Variants in XIRP2 observed in about 807,000 individuals in gnomAD.
XIRP2 encodes xin actin-binding repeat-containing protein 2.
In XIRP2, 236 loss-of-function variants were observed where a neutral mutation model predicts 277.0. The ratio of observed to expected loss-of-function variants is 0.85; its 90% CI spans 0.77 to 0.95. The LOEUF (loss-of-function observed/expected upper bound fraction) is 0.95, where lower values mean the gene tolerates loss of function less well. Ranked by LOEUF, XIRP2 falls within the 40% of genes least tolerant of loss-of-function variation. XIRP2 has a pLI of 0.00. For synonymous variants in XIRP2, 1,490 were observed against 1,416.5 expected, an observed-to-expected ratio of 1.05 and a Z score of -1.17; for missense variants, 4,640 against 4,157.5, an observed-to-expected ratio of 1.12 and a Z score of -3.19.
chr2:167,131,935 A>G (rs565541472), intron 2 of XIRP2, among the ~76,000 whole-genome samples: 1 of 152,174 alleles, frequency 6.6e-6, no homozygotes, highest in South Asian at 2.1e-4. Flanking sequence ...ATAGCTTCAC[A>G]ATCCATTTTG....
intron 3 of XIRP2, among the ~76,000 whole-genome samples, chr2:167,208,329 C>T (rs540346380): frequency 2.4e-4 from 36 of 152,106 alleles, no homozygotes; most frequent in African/African-American, 8.4e-4. Context: ...GAGACGGAGA[C>T]GGAGTCTCGC....
chr2:167,186,380 GC>G (rs1449975942), intron 3 of XIRP2, among the ~76,000 whole-genome samples: 15 of 152,134 alleles, frequency 9.9e-5, no homozygotes, highest in Admixed American at 7.9e-4. Context: ...ATAGTAAACA[GC>G]TTACAAATAG....
chr2:167,058,314 C>T (rs1574213079), intron 2 of XIRP2, among the ~76,000 whole-genome samples: 1 of 152,054 alleles, frequency 6.6e-6, no homozygotes, highest in Admixed American at 6.6e-5. Flanking sequence ...CTTGAACTCC[C>T]GGGTGATCCA....
intron 8 of XIRP2, 134 bp downstream of exon 8, chr2:167,242,044 G>A (rs2105432033): frequency 8.5e-7 from 1 of 1,169,948 alleles, no homozygotes; most frequent in Non-Finnish European, 1.1e-6. Context: ...ATTCAGTTCT[G>A]TAAGGAGAAT....
At position 167,245,349 on chromosome 2, in the gene XIRP2, G is replaced by A. The variant is rs992374036; in HGVS notation, c.3957G>A (p.Gln1319=). 6.2e-7 allele frequency: 1 copy of A among 1,613,558 alleles called. No homozygotes were observed. The highest frequency in any genetic ancestry group is 1.1e-5 in the South Asian group (1 of 91,074). ...VKSYRMLFET[Q]PLYAIQDREG... ...GCTACAGAATGCTCTTTGAAACCCAGCCACTCTATGCAATTCAAGACCGAG... is the reference window on the plus strand; with the variant it reads ...GCTACAGAATGCTCTTTGAAACCCAACCACTCTATGCAATTCAAGACCGAG... The change falls in exon 9 of 11, where the codon CAG becomes CAA. Residue 1319 remains glutamine, a synonymous_variant. Coordinates refer to ENST00000409195, the MANE Select transcript of XIRP2 (RefSeq NM_152381.6).
At chr2:167,099,899 C>T (rs549825279) in intron 2 of XIRP2, among the ~76,000 whole-genome samples, 3 of 152,188 alleles carry the variant, frequency 2.0e-5, no homozygotes, top group East Asian at 1.9e-4. Context: ...CAGAGATCAC[C>T]CGCCTTCTGC....
rs202122368 is a variant in XIRP2, at chr2:166,981,121, TTTAA to T, written c.408+77235_408+77238del. Among the ~76,000 whole-genome samples the T allele has an allele frequency of 3.5e-3, 534 of 152,284 alleles. 8 individuals carry two copies. The highest frequency in any genetic ancestry group is 0.03 in the Admixed American group (461 of 15,292). On this transcript the variant is annotated intron_variant, in intron 2 of 10. Transcript: ENST00000409195. ...AATCTTGTAGTGTAGAACTATTTGC[TTTAA>T]TTAGTGTATTAATTTATTGGGGCTT... is the stretch of plus-strand genomic sequence containing the variant.
chr2:167,134,224 T>A (rs113868904), intron 2 of XIRP2, among the ~76,000 whole-genome samples: 2,306 of 151,238 alleles, frequency 0.015, 69 homozygotes, highest in African/African-American at 0.054. Context: ...TATATTCATG[T>A]GTATATGTAT....
intron 2 of XIRP2, among the ~76,000 whole-genome samples, chr2:166,976,738 A>T (rs1429735892): frequency 1.3e-5 from 2 of 152,072 alleles, no homozygotes; most frequent in East Asian, 1.9e-4. Flanking sequence ...AAACAAAAAA[A>T]CTAGCCATTT....
At chr2:167,038,857 C>A (rs1219747411) in intron 2 of XIRP2, among the ~76,000 whole-genome samples, 2 of 151,892 alleles carry the variant, frequency 1.3e-5, no homozygotes, top group Non-Finnish European at 2.9e-5. Context: ...TGTTTGTAGA[C>A]ACAGAATAAG....
At chr2:166,896,199 C>T (rs376041465) in intron 1 of XIRP2, among the ~76,000 whole-genome samples, 20 of 152,054 alleles carry the variant, frequency 1.3e-4, no homozygotes, top group African/African-American at 4.8e-4. Flanking sequence ...TTTACTATAC[C>T]ATGTTTTTAT....
At chr2:167,137,252 T>C (rs947763307) in intron 3 of XIRP2, among the ~76,000 whole-genome samples, 4 of 152,174 alleles carry the variant, frequency 2.6e-5, no homozygotes, top group African/African-American at 9.7e-5. Flanking sequence ...TCTAAATACA[T>C]GTAAATTGAG....
chr2:167,039,442 T>C (rs1401501971), intron 2 of XIRP2, among the ~76,000 whole-genome samples: 1 of 152,122 alleles, frequency 6.6e-6, no homozygotes, highest in East Asian at 1.9e-4. Context: ...GAAAACAAGA[T>C]CAAGGAAACA....
rs1695400728 is a variant in XIRP2, at chr2:167,249,532, A to C, written c.8140A>C (p.Lys2714Gln). Residue 2714 changes from lysine (K) to glutamine (Q), a missense_variant, in exon 9 of 11, where the codon AAA becomes CAA. Physicochemically the swap from Lys to Gln is moderately conservative, Grantham distance 53. Transcript: ENST00000409195. The part of the protein sequence containing the change: ...ISPNFKVKTI[K>Q]LPTLDHTLNE... ...CCCAAATTTCAAAGTTAAAACCATC[A>C]AACTTCCAACTCTAGATCATACATT... The C allele has an allele frequency of 6.2e-7, 1 of 1,613,654 alleles. No individual in the cohort carries two copies. Among genetic ancestry groups the C allele is most frequent in the African/African-American group, 1.3e-5 (1 of 74,878 alleles).
At chr2:167,089,671 CAT>C (rs1319467793) in intron 2 of XIRP2, among the ~76,000 whole-genome samples, 16 of 152,016 alleles carry the variant, frequency 1.1e-4, no homozygotes, top group South Asian at 4.1e-4. Context: ...CTTAAGTAAA[CAT>C]ATGTGTGCGT....
chr2:166,933,792 A>C (rs1306739321), intron 2 of XIRP2, among the ~76,000 whole-genome samples: 1 of 152,186 alleles, frequency 6.6e-6, no homozygotes, highest in African/African-American at 2.4e-5. Flanking sequence ...AATAATGAAG[A>C]TAGTGTGATA....
chr2:167,033,331 C>G (rs1347411083), intron 2 of XIRP2, among the ~76,000 whole-genome samples: 1 of 152,000 alleles, frequency 6.6e-6, no homozygotes, highest in Non-Finnish European at 1.5e-5. Context: ...GGAGAAATAC[C>G]TAATGTAGAT....
At chr2:167,144,355 T>A (rs1691806693) in intron 3 of XIRP2, among the ~76,000 whole-genome samples, 1 of 152,072 alleles carries the variant, frequency 6.6e-6, no homozygotes, top group African/African-American at 2.4e-5. Context: ...TCCTAACTGA[T>A]GAAATAGTAT....
intron 2 of XIRP2, among the ~76,000 whole-genome samples, chr2:166,915,881 G>A (rs1329834805): frequency 6.6e-6 from 1 of 152,034 alleles, no homozygotes; most frequent in African/African-American, 2.4e-5. Flanking sequence ...TTTTGACAAA[G>A]ACTATTCAAA....
Sources: gnomAD v4.1 joint callset for allele counts (sites outside exome capture counted in the v4.1 genomes callset) on GRCh38, gnomAD v4.1.1 for gene constraint, MANE v1.5 for transcripts, NCBI Gene and HGNC (gene_info 2026-07-23, HGNC 2026-07-21) for gene names.